The following UNC5D variants were observed in gnomAD, a reference collection of about 807,000 sequenced individuals.
The protein encoded by UNC5D is unc-5 netrin receptor D, also known as netrin receptor UNC5D.
Under a neutral mutation model 105.4 loss-of-function variants are expected in UNC5D, and 39 were observed. The observed-to-expected ratio is 0.37, with a 90% CI of 0.29 to 0.48. The LOEUF is 0.48. UNC5D is among the 20% of genes least tolerant of loss of function. The pLI, the probability that UNC5D is intolerant of heterozygous loss-of-function variation, is 0.98. For synonymous variants in UNC5D, 452 were observed against 450.4 expected (o/e 1.00, Z -0.04); for missense variants, 991 against 1,202.4 (o/e 0.82, Z 2.60).
At chr8:35,706,068 G>A in intron 8 of UNC5D, 107 bp downstream of exon 8, 1 of 689,990 alleles carries the variant, frequency 1.4e-6, no homozygotes. Flanking sequence ...GAAAGATCCA[G>A]GGCTTTCGAG....
chr8:35,729,775 A>AT (rs1364264036), intron 10 of UNC5D, among the ~76,000 whole-genome samples: 2 of 152,210 alleles, frequency 1.3e-5, no homozygotes, highest in African/African-American at 2.4e-5. Context: ...TACTATTGAC[A>AT]TTAAGGTTCA....
intron 2 of UNC5D, among the ~76,000 whole-genome samples, chr8:35,565,972 C>T (rs1817307949): frequency 6.6e-6 from 1 of 152,180 alleles, no homozygotes; most frequent in Non-Finnish European, 1.5e-5. Context: ...CATATTTCTT[C>T]TTTCATTAAA....
At chr8:35,645,162 C>G (rs1051015750) in intron 4 of UNC5D, among the ~76,000 whole-genome samples, 1 of 152,126 alleles carries the variant, frequency 6.6e-6, no homozygotes, top group Non-Finnish European at 1.5e-5. Context: ...CTGCACTGGT[C>G]TGATTTAGCT....
At chr8:35,423,880 TCTCA>T (rs1806075884) in intron 1 of UNC5D, among the ~76,000 whole-genome samples, 2 of 151,286 alleles carry the variant, frequency 1.3e-5, no homozygotes, top group Admixed American at 1.3e-4. Flanking sequence ...TGAGACAGAT[TCTCA>T]CTCTTCCCTG....
intron 10 of UNC5D, 37 bp from the exon 11 acceptor site, chr8:35,730,975 A>C (rs1453012530): frequency 2.5e-6 from 4 of 1,604,164 alleles, no homozygotes; most frequent in Non-Finnish European, 3.4e-6. Context: ...ATAATTGGAA[A>C]AATCTATGAA....
intron 1 of UNC5D, among the ~76,000 whole-genome samples, chr8:35,271,688 C>CATATAT (rs1458442584): frequency 1.1e-4 from 1 of 9,376 alleles, no homozygotes; most frequent in African/African-American, 1.7e-4. Context: ...TATATGTATA[C>CATATAT]ATGTATACAT....
chr8:35,558,246 G>T (rs1315436266), intron 2 of UNC5D, among the ~76,000 whole-genome samples: 1 of 151,904 alleles, frequency 6.6e-6, no homozygotes, highest in Non-Finnish European at 1.5e-5. Flanking sequence ...ACACATACAG[G>T]GTGCTCAATA....
At chr8:35,380,099 C>CGGGG (rs1802939276) in intron 1 of UNC5D, among the ~76,000 whole-genome samples, 9 of 18,892 alleles carry the variant, frequency 4.8e-4, no homozygotes, top group Non-Finnish European at 8.8e-4. Flanking sequence ...GGGGGGGGGT[C>CGGGG]GGGGAGAGAG....
chr8:35,516,471 G>A (rs1813098608), intron 1 of UNC5D, among the ~76,000 whole-genome samples: 1 of 152,212 alleles, frequency 6.6e-6, no homozygotes, highest in Non-Finnish European at 1.5e-5. Flanking sequence ...AGCCACGGCA[G>A]TATGTTGAGG....
chr8:35,373,088 G>T (rs539636807), intron 1 of UNC5D, among the ~76,000 whole-genome samples: 1 of 152,238 alleles, frequency 6.6e-6, no homozygotes, highest in South Asian at 2.1e-4. Context: ...GGCTAACTTT[G>T]ATATCCTTTC....
chr8:35,284,236 A>C (rs1211801187), intron 1 of UNC5D, among the ~76,000 whole-genome samples: 1 of 152,240 alleles, frequency 6.6e-6, no homozygotes, highest in Non-Finnish European at 1.5e-5. Flanking sequence ...GGCATAAGCA[A>C]CTTTTATTAA....
chr8:35,557,004 T>C (rs534992724), intron 2 of UNC5D, among the ~76,000 whole-genome samples: 2 of 152,288 alleles, frequency 1.3e-5, no homozygotes, highest in Admixed American at 1.3e-4. Flanking sequence ...CAGGAGATGA[T>C]TTCAGTGACT....
intron 1 of UNC5D, among the ~76,000 whole-genome samples, chr8:35,358,845 T>G (rs1801702238): frequency 2.0e-5 from 3 of 152,228 alleles, no homozygotes; most frequent in Admixed American, 1.3e-4. Flanking sequence ...AAACTAGTAC[T>G]GTATTTTTTG....
At chr8:35,662,207 G>C (rs1824151157) in intron 4 of UNC5D, among the ~76,000 whole-genome samples, 1 of 141,616 alleles carries the variant, frequency 7.1e-6, no homozygotes, top group Admixed American at 7.0e-5. Context: ...AAAAAAAACT[G>C]TGCGTAGTGG....
chr8:35,659,615 C>T (rs944117045), intron 4 of UNC5D, among the ~76,000 whole-genome samples: 10 of 152,148 alleles, frequency 6.6e-5, no homozygotes, highest in Non-Finnish European at 8.8e-5. Context: ...TACGTATGTG[C>T]GCATGCACAC....
At chr8:35,268,815 A>G (rs1029410969) in intron 1 of UNC5D, among the ~76,000 whole-genome samples, 2 of 152,166 alleles carry the variant, frequency 1.3e-5, no homozygotes, top group Non-Finnish European at 2.9e-5. Flanking sequence ...ACAGTCAGAG[A>G]AAGAAGTATC....
At chr8:35,594,005 G>T (rs1273870819) in intron 3 of UNC5D, among the ~76,000 whole-genome samples, 1 of 152,130 alleles carries the variant, frequency 6.6e-6, no homozygotes, top group African/African-American at 2.4e-5. Flanking sequence ...TTGTTATCAG[G>T]TATGTGACCT....
chr8:35,259,305 G>T (rs1414874302), intron 1 of UNC5D, among the ~76,000 whole-genome samples: 2 of 152,144 alleles, frequency 1.3e-5, no homozygotes, highest in Non-Finnish European at 2.9e-5. Flanking sequence ...CTGGCTGGTA[G>T]TTAGGATGGA....
intron 1 of UNC5D, among the ~76,000 whole-genome samples, chr8:35,282,301 C>A (rs1394962513): frequency 2.6e-5 from 4 of 152,102 alleles, no homozygotes. Flanking sequence ...TTTCTTTGTA[C>A]CTGTTTACTG....
Sources: gnomAD v4.1 joint callset for allele counts (sites outside exome capture counted in the v4.1 genomes callset) on GRCh38, gnomAD v4.1.1 for gene constraint, MANE v1.5 for transcripts, NCBI Gene and HGNC (gene_info 2026-07-23, HGNC 2026-07-21) for gene names.